The following PCDHGA9 variants were observed in gnomAD, a reference collection of about 807,000 sequenced individuals.
The protein encoded by PCDHGA9 is protocadherin gamma subfamily A, 9, also known as protocadherin gamma-A9.
In PCDHGA9, 37 loss-of-function variants were observed where a neutral mutation model predicts 62.5. The ratio of observed to expected loss-of-function variants is 0.59; its 90% CI spans 0.46 to 0.78. The LOEUF (loss-of-function observed/expected upper bound fraction) is 0.78. Ranked by LOEUF, PCDHGA9 falls within the 30% of genes least tolerant of loss-of-function variation. The probability of loss-of-function intolerance (pLI) is 0.00; values close to 1 mark genes in which losing one functional copy is unlikely to be tolerated. For missense variants in PCDHGA9, 1,138 were observed against 1,166.2 expected, an observed-to-expected ratio of 0.98 and a Z score of 0.35; for synonymous variants, 459 against 484.6, an observed-to-expected ratio of 0.95 and a Z score of 0.69.
At chr5:141,467,344 C>A (rs2099142230) in intron 1 of PCDHGA9, among the ~76,000 whole-genome samples, 1 of 152,122 alleles carries the variant, frequency 6.6e-6, no homozygotes, top group South Asian at 2.1e-4. Flanking sequence ...TAAGCCACTG[C>A]CCCCGGCCAA....
chr5:141,454,628 AC>A (rs1272822911), intron 1 of PCDHGA9, among the ~76,000 whole-genome samples: 2 of 151,334 alleles, frequency 1.3e-5, no homozygotes, highest in Non-Finnish European at 2.9e-5. Context: ...CTGGTCTCGA[AC>A]CCCCAACCTC....
intron 1 of PCDHGA9, chr5:141,426,709 A>G (rs1259104705): frequency 6.8e-6 from 3 of 443,800 alleles, no homozygotes; most frequent in South Asian, 3.1e-5. Flanking sequence ...TTACAAATCA[A>G]TGAACTAGCA....
At chr5:141,478,050 CG>C in intron 1 of PCDHGA9, 1 of 1,614,184 alleles carries the variant, frequency 6.2e-7, no homozygotes, top group Non-Finnish European at 8.5e-7. Context: ...CAGACTCTCA[CG>C]GTCTTGATCA....
chr5:141,461,647 C>T (rs1242234255), intron 1 of PCDHGA9, among the ~76,000 whole-genome samples: 3 of 152,006 alleles, frequency 2.0e-5, no homozygotes, highest in Non-Finnish European at 4.4e-5. Context: ...TTCTTTGACC[C>T]ATGGATTATT....
intron 1 of PCDHGA9, among the ~76,000 whole-genome samples, chr5:141,462,068 C>T (rs1006462521): frequency 6.6e-6 from 1 of 152,196 alleles, no homozygotes; most frequent in African/African-American, 2.4e-5. Context: ...GGTGATCTGC[C>T]CGCCTTGGCC....
At chr5:141,427,695 C>T in intron 1 of PCDHGA9, 1 of 918,214 alleles carries the variant, frequency 1.1e-6, no homozygotes, top group Non-Finnish European at 1.7e-6. Context: ...CTCCATCCCA[C>T]AAGTCAGCGC....
In PCDHGA9 at chr5:141,431,354, G is replaced by T. The variant is rs777198567; in HGVS notation, c.2424+25978G>T. The T allele has an allele frequency of 1.9e-6, 3 of 1,614,036 alleles. No individual in the cohort carries two copies. In the South Asian group the frequency reaches 3.3e-5, roughly 18 times the overall value. ...GTACCCCGAATTGGTGCTGAAACGC[G>T]CCCTGGACCGCGAAGAAAAGGCTGC... On this transcript the variant is annotated intron_variant, in intron 1 of 3. Coordinates refer to ENST00000573521, the MANE Select transcript of PCDHGA9 (RefSeq NM_018921.3). This position sits in a 1 kb window ranked among gnomAD's most constrained non-coding sequence, Gnocchi z 4.8.
In PCDHGA9 at chr5:141,477,125, A is replaced by G; in HGVS notation, c.2425-17682A>G. The G allele has an allele frequency of 2.5e-6, 4 of 1,614,212 alleles. No individual in the cohort carries two copies. The highest frequency in any genetic ancestry group is 3.4e-6 in the Non-Finnish European group (4 of 1,180,036). On this transcript the variant is annotated intron_variant, in intron 1 of 3. Transcript: ENST00000573521. This position sits in a 1 kb window ranked among gnomAD's most constrained non-coding sequence, Gnocchi z 4.9. ...CGCCAATCCCGAAGGAGCACATTGC[A>G]AAGTGTTGGTGGAGGTTGTGGATGT...
Position 141,415,089 on chromosome 5 carries a change from C to T in PCDHGA9, c.2424+9713C>T, listed in dbSNP as rs1159857230. 1.9e-6 allele frequency: 3 copies of T among 1,613,556 alleles called. No individual in the cohort carries two copies. In the South Asian group the frequency reaches 3.3e-5, roughly 18 times the overall value. The stretch of plus-strand genomic sequence containing the variant: ...TGCGCACGGCGCGAGCCCTGCTGGA[C>T]AGAGACGCGCTCAAGCAAAGCCTCG... On this transcript the variant is annotated intron_variant, in intron 1 of 3. Coordinates refer to ENST00000573521, the MANE Select transcript of PCDHGA9 (RefSeq NM_018921.3).
chr5:141,478,678 C>T (rs3805695), intron 1 of PCDHGA9: 273,671 of 1,551,084 alleles, frequency 0.18, 26,385 homozygotes, highest in African/African-American at 0.39. Context: ...TTCAACTGGC[C>T]CTTCCTAGAT....
In PCDHGA9 at chr5:141,407,971, G is replaced by C. The variant is rs1399304138; in HGVS notation, c.2424+2595G>C. The C allele has an allele frequency of 7.0e-5, 50 of 717,762 alleles. No homozygotes were observed. In the South Asian group the frequency reaches 1.2e-3, roughly 17 times the overall value. 44.5% of individuals were successfully genotyped at this position (717,762 alleles called of 1,614,324 possible). On this transcript the variant is annotated intron_variant, in intron 1 of 3. Coordinates refer to ENST00000573521, the MANE Select transcript of PCDHGA9 (RefSeq NM_018921.3). The stretch of plus-strand genomic sequence containing the variant: ...CGGCCAGTGCAGAGCAAGCGCTGAC[G>C]CCGGGGATCCGTCAGCCTCTGGCCT...
chr5:141,413,166 C>A (rs758193163), intron 1 of PCDHGA9: 3 of 1,590,396 alleles, frequency 1.9e-6, no homozygotes, highest in South Asian at 2.3e-5. Flanking sequence ...AATTCTGTAA[C>A]CAGACTACAA....
chr5:141,455,093 T>C (rs2098812615), intron 1 of PCDHGA9, among the ~76,000 whole-genome samples: 1 of 152,060 alleles, frequency 6.6e-6, no homozygotes, highest in African/African-American at 2.4e-5. Context: ...ATTACAGGCT[T>C]GAGCCACTGC....
At chr5:141,462,116 C>T (rs535029363) in intron 1 of PCDHGA9, among the ~76,000 whole-genome samples, 3 of 152,152 alleles carry the variant, frequency 2.0e-5, no homozygotes, top group Admixed American at 1.3e-4. Context: ...AGCCACTGCA[C>T]CCAGTCCAAT....
intron 1 of PCDHGA9, among the ~76,000 whole-genome samples, chr5:141,452,114 A>C (rs1443131264): frequency 1.3e-5 from 2 of 152,098 alleles, no homozygotes; most frequent in Admixed American, 1.3e-4. Flanking sequence ...TTCTCTTCTT[A>C]TTTATTCATA....
intron 1 of PCDHGA9, among the ~76,000 whole-genome samples, chr5:141,463,099 A>G (rs1445730117): frequency 1.4e-4 from 21 of 152,204 alleles, no homozygotes; most frequent in Admixed American, 1.4e-3. Context: ...CTATGTGACC[A>G]TCAAGAATTC....
At position 141,511,181 on chromosome 5, in the gene PCDHGA9, G is replaced by A. The variant is rs1301391138; in HGVS notation, c.*8G>A. On this transcript the variant is annotated 3_prime_UTR_variant, in exon 4 of 4. Transcript: ENST00000573521. Reference sequence around the variant, plus strand: ...AAGAAGGAGAAGAAGTAACATGGAGGCCAGGCCAAGAGCCACAGGGCGGCC... The same window carrying A: ...AAGAAGGAGAAGAAGTAACATGGAGACCAGGCCAAGAGCCACAGGGCGGCC... 6.2e-7 allele frequency: 1 copy of A among 1,614,016 alleles called. No homozygotes were observed. The highest frequency in any genetic ancestry group is 1.7e-5 in the Admixed American group (1 of 60,016).
chr5:141,405,995 A>T (rs985162414), intron 1 of PCDHGA9, among the ~76,000 whole-genome samples: 1 of 151,964 alleles, frequency 6.6e-6, no homozygotes. Context: ...GGTAGCTCTC[A>T]GCCTGCATTG....
rs181397365 is a variant in PCDHGA9, at chr5:141,481,810, G to A, written c.2425-12997G>A. Among the ~76,000 whole-genome samples, 99 of 151,944 alleles carry A rather than the reference G, an allele frequency of 6.5e-4. 1 individual carries two copies. The highest frequency in any genetic ancestry group is 2.4e-3 in the African/African-American group (98 of 41,418). On this transcript the variant is annotated intron_variant, in intron 1 of 3. Transcript: ENST00000573521. ...CTACTAAAAATACAAAAATTCACCA[G>A]GCGTGGTGGCTGAGGCAGGAGAATC...
Sources: gnomAD v4.1 joint callset for allele counts (sites outside exome capture counted in the v4.1 genomes callset) on GRCh38, gnomAD v4.1.1 for gene constraint, Gnocchi (gnomAD v3.1) non-coding constraint, MANE v1.5 for transcripts, NCBI Gene and HGNC (gene_info 2026-07-23, HGNC 2026-07-21) for gene names.